The following ARHGEF33 variants were observed in gnomAD, a reference collection of about 807,000 sequenced individuals.
The protein encoded by ARHGEF33 is Rho guanine nucleotide exchange factor 33, also known as DH and coiled-coil domain-containing protein ENSP00000381780.
In ARHGEF33, 72 loss-of-function variants were observed where a neutral mutation model predicts 101.9. The observed-to-expected ratio is 0.71, with a 90% confidence interval of 0.58 to 0.86. ARHGEF33 has a LOEUF of 0.86. Among genes scored for constraint, ARHGEF33 ranks in the 40% least tolerant of loss-of-function variants. The probability of loss-of-function intolerance (pLI) is 0.00; values close to 1 mark genes in which losing one functional copy is unlikely to be tolerated. For missense variants in ARHGEF33, 1,169 were observed against 1,111.3 expected (o/e 1.05, Z -0.74); for synonymous variants, 499 against 442.5 (o/e 1.13, Z -1.60).
At chr2:38,917,828 C>CAAA (rs537310536) in intron 2 of ARHGEF33, among the ~76,000 whole-genome samples, 3 of 75,336 alleles carry the variant, frequency 4.0e-5, no homozygotes, top group East Asian at 4.4e-4. Flanking sequence ...GACCTTGTCT[C>CAAA]AAAAAAAAAA....
At chr2:38,965,878 T>C (rs1164889417) in intron 16 of ARHGEF33, 128 bp from the exon 17 acceptor site, 2 of 1,113,172 alleles carry the variant, frequency 1.8e-6, no homozygotes, top group African/African-American at 3.2e-5. Flanking sequence ...TTAGTTGGGA[T>C]TGGGTGCCCA....
chr2:38,907,656 G>C (rs1666421177), intron 2 of ARHGEF33, among the ~76,000 whole-genome samples: 1 of 152,156 alleles, frequency 6.6e-6, no homozygotes, highest in African/African-American at 2.4e-5. Context: ...GCCATCTCTA[G>C]GACTGGAGGG....
intron 8 of ARHGEF33, among the ~76,000 whole-genome samples, chr2:38,936,360 A>G (rs754824901): frequency 3.3e-5 from 5 of 152,198 alleles, no homozygotes; most frequent in Non-Finnish European, 5.9e-5. Flanking sequence ...GGGTCAAGGG[A>G]AAAATGGCCA....
intron 2 of ARHGEF33, among the ~76,000 whole-genome samples, chr2:38,915,009 A>G (rs1243926181): frequency 6.6e-6 from 1 of 151,848 alleles, no homozygotes; most frequent in Non-Finnish European, 1.5e-5. Flanking sequence ...TAATGATCCT[A>G]TGTTTATTTT....
At chr2:38,932,542 C>G (rs1192581715) in intron 7 of ARHGEF33, among the ~76,000 whole-genome samples, 1 of 152,094 alleles carries the variant, frequency 6.6e-6, no homozygotes, top group African/African-American at 2.4e-5. Context: ...TTGCAGGTGG[C>G]TCTATTTTCT....
intron 16 of ARHGEF33, 146 bp from the exon 17 acceptor site, chr2:38,965,860 G>A (rs1409507467): frequency 2.2e-6 from 2 of 899,406 alleles, no homozygotes; most frequent in East Asian, 2.7e-5. Flanking sequence ...CATTAGCCTA[G>A]GTTTGCTTTA....
In ARHGEF33 at chr2:38,950,981, G is replaced by T; in HGVS notation, c.921-8G>T. 6.4e-7 allele frequency: 1 copy of T among 1,551,730 alleles called. No homozygotes were observed. Among genetic ancestry groups the T allele is most frequent in the Non-Finnish European group, 8.7e-7 (1 of 1,146,978 alleles). ...GTTTGTGTGATTCCGTCTCTATTCTGTTTCAAGCCTCTTCCCTGGCTCTTT... is the reference window on the plus strand; with the variant it reads ...GTTTGTGTGATTCCGTCTCTATTCTTTTTCAAGCCTCTTCCCTGGCTCTTT... On this transcript the variant is annotated splice_region_variant and splice_polypyrimidine_tract_variant and intron_variant, in intron 10 of 17. Coordinates refer to ENST00000409978, the MANE Select transcript of ARHGEF33 (RefSeq NM_001145451.5).
chr2:38,960,134 C>T lies in ARHGEF33; in HGVS notation c.1829C>T (p.Pro610Leu), dbSNP rs758710147. 14 of 1,542,616 alleles carry T rather than the reference C, an allele frequency of 9.1e-6. No homozygotes were observed. The South Asian group carries it at 1.5e-4, about 17-fold the overall frequency. Residue 610 changes from proline (P) to leucine (L), a missense_variant, in exon 16 of 18, where the codon CCC becomes CTC. Pro to Leu is a moderately conservative substitution (Grantham distance 98). Coordinates refer to ENST00000409978, the MANE Select transcript of ARHGEF33 (RefSeq NM_001145451.5). ...ELLPDARGFVPAAYEEFEYGG... is the reference protein window; with the variant it reads ...ELLPDARGFVLAAYEEFEYGG... ...CTGCCCGATGCCCGCGGCTTCGTGCCCGCGGCCTACGAAGAGTTCGAGTAC... is the reference window on the plus strand; with the variant it reads ...CTGCCCGATGCCCGCGGCTTCGTGCTCGCGGCCTACGAAGAGTTCGAGTAC...
intron 1 of ARHGEF33, among the ~76,000 whole-genome samples, chr2:38,892,960 A>G (rs986495583): frequency 3.9e-5 from 6 of 152,272 alleles, no homozygotes; most frequent in African/African-American, 1.4e-4. Context: ...TACCAGAGAT[A>G]TGTGATCTTG....
At chr2:38,891,575 G>A (rs1249860024) in intron 1 of ARHGEF33, among the ~76,000 whole-genome samples, 1 of 151,988 alleles carries the variant, frequency 6.6e-6, no homozygotes, top group Non-Finnish European at 1.5e-5. Flanking sequence ...CCCTATTCCT[G>A]GGACCACAGG....
At chr2:38,901,795 A>AAACTCT (rs1423940787) in intron 2 of ARHGEF33, among the ~76,000 whole-genome samples, 2 of 152,184 alleles carry the variant, frequency 1.3e-5, no homozygotes, top group Non-Finnish European at 1.5e-5. Context: ...CTTCAAACTC[A>AAACTCT]AACTCTTCAT....
At chr2:38,965,948 A>T (rs1336125703) in intron 16 of ARHGEF33, 58 bp from the exon 17 acceptor site, 7 of 1,531,172 alleles carry the variant, frequency 4.6e-6, no homozygotes, top group Non-Finnish European at 6.2e-6. Context: ...TCCCATAGTC[A>T]GGATCCATAA....
chr2:38,962,849 CAAAAAAAAA>C (rs386389985), intron 16 of ARHGEF33, among the ~76,000 whole-genome samples: 32 of 56,132 alleles, frequency 5.7e-4, no homozygotes, highest in Non-Finnish European at 7.0e-4. Flanking sequence ...CCCGTCTCTA[CAAAAAAAAA>C]AAAAAAAAAA....
chr2:38,937,224 G>A, intron 8 of ARHGEF33, 111 bp from the exon 9 acceptor site: 1 of 626,574 alleles, frequency 1.6e-6, no homozygotes, highest in Non-Finnish European at 2.9e-6. Context: ...TCAATCTCCT[G>A]ACTTCGTGAT....
intron 9 of ARHGEF33, among the ~76,000 whole-genome samples, chr2:38,940,281 T>C (rs1442824365): frequency 6.6e-6 from 1 of 152,154 alleles, no homozygotes; most frequent in African/African-American, 2.4e-5. Flanking sequence ...GTTTTTAGTT[T>C]TTAATTTATT....
chr2:38,906,591 C>G (rs1481200861), intron 2 of ARHGEF33, among the ~76,000 whole-genome samples: 3 of 152,106 alleles, frequency 2.0e-5, no homozygotes, highest in Admixed American at 2.0e-4. Context: ...TGAATTTACA[C>G]TTTTCATTGA....
intron 2 of ARHGEF33, among the ~76,000 whole-genome samples, chr2:38,904,927 A>G (rs1211095411): frequency 6.6e-6 from 1 of 152,178 alleles, no homozygotes; most frequent in Non-Finnish European, 1.5e-5. Flanking sequence ...AGAAAATGAA[A>G]GACACCTTAG....
intron 10 of ARHGEF33, among the ~76,000 whole-genome samples, chr2:38,945,387 C>G (rs1334575391): frequency 6.6e-6 from 1 of 152,212 alleles, no homozygotes; most frequent in Non-Finnish European, 1.5e-5. Context: ...AGTTATTTTA[C>G]TACAAAACAG....
intron 8 of ARHGEF33, chr2:38,937,115 C>A (rs1376023317): frequency 4.5e-6 from 2 of 447,384 alleles, no homozygotes; most frequent in Admixed American, 7.1e-5. Flanking sequence ...CTGCCTCAGC[C>A]TCCTGAGTAG....
Sources: gnomAD v4.1 joint callset for allele counts (sites outside exome capture counted in the v4.1 genomes callset) on GRCh38, gnomAD v4.1.1 for gene constraint, MANE v1.5 for transcripts, NCBI Gene and HGNC (gene_info 2026-07-23, HGNC 2026-07-21) for gene names.